The following RAB1A variants were observed in gnomAD, a reference collection of about 807,000 sequenced individuals.
RAB1A encodes the protein ras-related protein Rab-1A.
Under a neutral mutation model 26.0 loss-of-function variants are expected in RAB1A, and 2 were observed. The ratio of observed to expected loss-of-function variants is 0.08; its 90% CI spans 0.03 to 0.24. The LOEUF (loss-of-function observed/expected upper bound fraction) is 0.24. Among genes scored for constraint, RAB1A ranks in the 10% least tolerant of loss-of-function variants. The pLI is 1.00. For synonymous variants in RAB1A, 84 were observed against 84.9 expected (o/e 0.99, Z 0.06); for missense variants, 100 against 247.0 (o/e 0.40, Z 3.99).
chr2:65,090,539 C>A (rs1233834810), intron 4 of RAB1A, among the ~76,000 whole-genome samples: 3 of 152,114 alleles, frequency 2.0e-5, no homozygotes, highest in Non-Finnish European at 4.4e-5. Flanking sequence ...TATTCAAATT[C>A]TTTATTTCTG....
At chr2:65,103,306 A>AAAAAAAAAAAAAAAAAC in intron 2 of RAB1A, among the ~76,000 whole-genome samples, 1 of 151,658 alleles carries the variant, frequency 6.6e-6, no homozygotes, top group East Asian at 1.9e-4. Context: ...TCTCAAAAAA[A>AAAAAAAAAAAAAAAAAC]AAAAAAAACA....
chr2:65,129,339 T>C (rs1670182506), intron 1 of RAB1A, among the ~76,000 whole-genome samples: 1 of 152,004 alleles, frequency 6.6e-6, no homozygotes, highest in Non-Finnish European at 1.5e-5. Context: ...CACCATCTAC[T>C]CATTCCCCTC....
At chr2:65,106,428 AAG>A (rs1385145999) in intron 1 of RAB1A, 1 of 342,468 alleles carries the variant, frequency 2.9e-6, no homozygotes, top group Non-Finnish European at 5.7e-6. Context: ...ACTGCCAAAG[AAG>A]AGAGGATATA....
intron 3 of RAB1A, among the ~76,000 whole-genome samples, chr2:65,097,240 T>C (rs368451924): frequency 2.4e-4 from 37 of 152,238 alleles, no homozygotes; most frequent in African/African-American, 8.4e-4. Flanking sequence ...ACCACAGATA[T>C]GCCCACACTG....
intron 3 of RAB1A, among the ~76,000 whole-genome samples, chr2:65,091,661 G>A (rs1254542046): frequency 6.6e-6 from 1 of 152,072 alleles, no homozygotes; most frequent in Non-Finnish European, 1.5e-5. Context: ...GAGTAGCTGG[G>A]ACTACAGGCA....
At chr2:65,109,104 T>C (rs1352711647) in intron 1 of RAB1A, among the ~76,000 whole-genome samples, 1 of 152,202 alleles carries the variant, frequency 6.6e-6, no homozygotes, top group Non-Finnish European at 1.5e-5. Flanking sequence ...ACAGAAGTAG[T>C]TTATTTCTCA....
At chr2:65,116,554 C>T (rs887159100) in intron 1 of RAB1A, among the ~76,000 whole-genome samples, 1 of 152,204 alleles carries the variant, frequency 6.6e-6, no homozygotes, top group Non-Finnish European at 1.5e-5. Flanking sequence ...ACATCTAGCA[C>T]ATACTGTCTG....
In RAB1A at chr2:65,121,603, T is replaced by G. The variant is rs539864792; in HGVS notation, c.23+8290A>C. On this transcript the variant is annotated intron_variant, in intron 1 of 5. Transcript: ENST00000409784. The stretch of plus-strand genomic sequence containing the variant: ...TGGCTCCTCAGGACCATTTTTCCCC[T>G]GAATATCATTCCACCATTACCCTAT... Among the ~76,000 whole-genome samples the G allele has an allele frequency of 4.6e-5, 7 of 152,302 alleles. No homozygotes were observed. In the South Asian group the frequency reaches 8.3e-4, roughly 18 times the overall value.
At chr2:65,122,691 T>C (rs1019651815) in intron 1 of RAB1A, among the ~76,000 whole-genome samples, 2 of 151,950 alleles carry the variant, frequency 1.3e-5, no homozygotes, top group Non-Finnish European at 2.9e-5. Flanking sequence ...AAGAAAGCTA[T>C]TCTGGCCAGA....
intron 3 of RAB1A, 122 bp downstream of exon 3, chr2:65,097,849 G>C (rs1231638997): frequency 7.4e-6 from 4 of 539,582 alleles, no homozygotes. Context: ...TCTATCTTAA[G>C]TACATGAATC....
At position 65,114,343 on chromosome 2, in the gene RAB1A, C is replaced by G. The variant is rs576946432; in HGVS notation, c.24-9537G>C. Reference sequence around the variant, plus strand: ...TAGTGTATAATTGTATTTGTACAAACAGAAATACAAATACAAATTTATAAA... The same window carrying G: ...TAGTGTATAATTGTATTTGTACAAAGAGAAATACAAATACAAATTTATAAA... On this transcript the variant is annotated intron_variant, in intron 1 of 5. Transcript: ENST00000409784. 2.5e-3 allele frequency among the ~76,000 whole-genome samples: 374 copies of G among 152,086 alleles called. 2 individuals are homozygous for G. The highest frequency in any genetic ancestry group is 6.8e-3 in the South Asian group (33 of 4,820).
intron 1 of RAB1A, among the ~76,000 whole-genome samples, chr2:65,109,439 C>A (rs188472404): frequency 1.5e-4 from 23 of 152,198 alleles, no homozygotes; most frequent in African/African-American, 5.5e-4. Flanking sequence ...CGCGGTGGCT[C>A]ACACCTGTAA....
chr2:65,091,587 C>T (rs1446599343), intron 3 of RAB1A, among the ~76,000 whole-genome samples: 4 of 152,162 alleles, frequency 2.6e-5, no homozygotes, highest in African/African-American at 9.6e-5. Flanking sequence ...AGTACAGTGG[C>T]ATGATCATGG....
intron 5 of RAB1A, 37 bp downstream of exon 5, chr2:65,088,902 C>G (rs367884348): frequency 6.4e-6 from 10 of 1,566,966 alleles, no homozygotes; most frequent in African/African-American, 1.3e-5. Flanking sequence ...AATTCAACAC[C>G]TTCAAATTCA....
chr2:65,092,432 G>A (rs1243927210), intron 3 of RAB1A, among the ~76,000 whole-genome samples: 1 of 152,150 alleles, frequency 6.6e-6, no homozygotes. Context: ...GTAAATGCTA[G>A]ATAGCATTCA....
intron 4 of RAB1A, 149 bp from the exon 5 acceptor site, chr2:65,089,219 ATT>A (rs372663729): frequency 1.3e-4 from 80 of 635,998 alleles, no homozygotes; most frequent in Middle Eastern, 4.1e-4. Context: ...GAGTGAAGAG[ATT>A]TTTTTTTTTG....
intron 1 of RAB1A, among the ~76,000 whole-genome samples, chr2:65,126,356 C>CA (rs1419737490): frequency 6.6e-6 from 1 of 151,642 alleles, no homozygotes; most frequent in African/African-American, 2.4e-5. Flanking sequence ...AAAAAAAACA[C>CA]AAACAGCCAG....
chr2:65,128,128 G>A (rs1670147496), intron 1 of RAB1A, among the ~76,000 whole-genome samples: 1 of 152,070 alleles, frequency 6.6e-6, no homozygotes, highest in African/African-American at 2.4e-5. Flanking sequence ...CCTGAAGAAT[G>A]CTCACACGGT....
At chr2:65,106,873 CTTCT>C (rs1383328521) in intron 1 of RAB1A, among the ~76,000 whole-genome samples, 1 of 151,622 alleles carries the variant, frequency 6.6e-6, no homozygotes, top group Non-Finnish European at 1.5e-5. Flanking sequence ...ACCAAATATT[CTTCT>C]TTCTTTTTTT....
Sources: gnomAD v4.1 joint callset for allele counts (sites outside exome capture counted in the v4.1 genomes callset) on GRCh38, gnomAD v4.1.1 for gene constraint, MANE v1.5 for transcripts, NCBI Gene and HGNC (gene_info 2026-07-23, HGNC 2026-07-21) for gene names.